Variants in HDAC4 observed in about 807,000 individuals in gnomAD.
HDAC4 encodes histone deacetylase 4, also known as histone deacetylase A.
HDAC4 carries 16 observed loss-of-function variants against 135.1 expected under a neutral mutation model. The observed-to-expected ratio is 0.12, with a 90% CI of 0.08 to 0.18. The LOEUF is 0.18. HDAC4 is among the 10% of genes least tolerant of loss of function. The probability of loss-of-function intolerance (pLI) is 1.00; values close to 1 mark genes in which losing one functional copy is unlikely to be tolerated. For synonymous variants in HDAC4, 685 were observed against 653.4 expected (o/e 1.05, Z -0.74); for missense variants, 1,143 against 1,511.8 (o/e 0.76, Z 4.05).
intron 1 of HDAC4, among the ~76,000 whole-genome samples, chr2:239,375,527 C>G (rs1215600318): frequency 6.6e-6 from 1 of 152,194 alleles, no homozygotes; most frequent in African/African-American, 2.4e-5. Flanking sequence ...CACCACTGAC[C>G]TCAGCGAGTG....
intron 2 of HDAC4, among the ~76,000 whole-genome samples, chr2:239,274,832 G>A (rs994915304): frequency 1.3e-5 from 2 of 152,126 alleles, no homozygotes; most frequent in African/African-American, 2.4e-5. Context: ...TGGCCCCCAC[G>A]CTCCTCCCAG....
At chr2:239,163,100 C>T (rs1313533791) in intron 6 of HDAC4, among the ~76,000 whole-genome samples, 1 of 151,864 alleles carries the variant, frequency 6.6e-6, no homozygotes, top group Non-Finnish European at 1.5e-5. Context: ...CCCCCGAAGG[C>T]CTTCTTTTGC....
chr2:239,193,494 T>C (rs1266644898), intron 3 of HDAC4, among the ~76,000 whole-genome samples: 3 of 152,136 alleles, frequency 2.0e-5, no homozygotes, highest in Non-Finnish European at 1.5e-5. Context: ...CAGGAGCTGA[T>C]GGCAGGCCCA....
At chr2:239,095,115 A>G (rs549030854) in intron 16 of HDAC4, 59 bp from the exon 17 acceptor site, 1 of 1,596,126 alleles carries the variant, frequency 6.3e-7, no homozygotes, top group African/African-American at 1.3e-5. Flanking sequence ...GGTGCTCGAC[A>G]GGCCCTGGGC....
chr2:239,131,289 A>G (rs2040564306), intron 11 of HDAC4, among the ~76,000 whole-genome samples: 2 of 152,180 alleles, frequency 1.3e-5, no homozygotes, highest in African/African-American at 4.8e-5. Context: ...TCTGTTTCAA[A>G]GCATTTGTGG....
chr2:239,128,957 C>T (rs1467190337), intron 11 of HDAC4, among the ~76,000 whole-genome samples: 3 of 152,208 alleles, frequency 2.0e-5, no homozygotes, highest in Non-Finnish European at 2.9e-5. Flanking sequence ...CTCTGCCTCC[C>T]GCCATCCTCC....
chr2:239,340,691 C>T (rs966716834), intron 2 of HDAC4, among the ~76,000 whole-genome samples: 1 of 152,180 alleles, frequency 6.6e-6, no homozygotes, highest in African/African-American at 2.4e-5. Context: ...GAACCACCTG[C>T]CTTGAATGAA....
intron 2 of HDAC4, among the ~76,000 whole-genome samples, chr2:239,280,642 C>T (rs75479057): frequency 0.016 from 2,374 of 152,262 alleles, 64 homozygotes; most frequent in African/African-American, 0.054. Context: ...GTGAGGAAGA[C>T]ACCAGGCACA....
At chr2:239,398,706 A>T (rs1696729787) in intron 1 of HDAC4, among the ~76,000 whole-genome samples, 1 of 152,168 alleles carries the variant, frequency 6.6e-6, no homozygotes, top group South Asian at 2.1e-4. Flanking sequence ...ATGGCTAGGA[A>T]GCTGCTGAAC....
At chr2:239,272,068 G>A (rs560991773) in intron 2 of HDAC4, among the ~76,000 whole-genome samples, 32 of 152,222 alleles carry the variant, frequency 2.1e-4, no homozygotes, top group African/African-American at 6.0e-4. Context: ...ACTTTCCCAC[G>A]GACATTCAAT....
intron 1 of HDAC4, among the ~76,000 whole-genome samples, chr2:239,388,587 G>A (rs533119472): frequency 6.6e-6 from 1 of 152,334 alleles, no homozygotes; most frequent in East Asian, 1.9e-4. Context: ...CCGCACGGCT[G>A]GAAGGACCAC....
chr2:239,336,028 A>G (rs1041384766), intron 2 of HDAC4, among the ~76,000 whole-genome samples: 6 of 152,260 alleles, frequency 3.9e-5, no homozygotes, highest in Non-Finnish European at 7.3e-5. Context: ...TGTTCATACA[A>G]TGAAATATTA....
At chr2:239,337,409 T>C (rs540075260) in intron 2 of HDAC4, among the ~76,000 whole-genome samples, 12 of 152,128 alleles carry the variant, frequency 7.9e-5, no homozygotes, top group Non-Finnish European at 1.8e-4. Flanking sequence ...ACAAGCTCCA[T>C]TCACAGAAAA....
At chr2:239,381,476 A>G (rs1180017765) in intron 1 of HDAC4, among the ~76,000 whole-genome samples, 1 of 152,214 alleles carries the variant, frequency 6.6e-6, no homozygotes, top group Non-Finnish European at 1.5e-5. Context: ...TTCACATGCA[A>G]AAAAATGTAA....
intron 2 of HDAC4, among the ~76,000 whole-genome samples, chr2:239,252,514 A>G (rs956080275): frequency 3.3e-5 from 5 of 152,214 alleles, no homozygotes; most frequent in Non-Finnish European, 7.3e-5. Flanking sequence ...CTCAGGTTTT[A>G]GCAGAAAGTT....
chr2:239,234,662 C>T (rs1383459580), intron 3 of HDAC4, among the ~76,000 whole-genome samples: 1 of 152,192 alleles, frequency 6.6e-6, no homozygotes, highest in Admixed American at 6.5e-5. Context: ...CTGAGCTATT[C>T]AGCAACTCGC....
At chr2:239,123,112 C>T (rs1283891061) in intron 12 of HDAC4, among the ~76,000 whole-genome samples, 1 of 152,242 alleles carries the variant, frequency 6.6e-6, no homozygotes, top group Admixed American at 6.5e-5. Flanking sequence ...GTTTCTAAAT[C>T]CTTCAAGAGT....
At chr2:239,082,443 C>T (rs1421732122) in intron 20 of HDAC4, among the ~76,000 whole-genome samples, 3 of 152,342 alleles carry the variant, frequency 2.0e-5, no homozygotes, top group Admixed American at 6.5e-5. Context: ...CCAATGTTCG[C>T]GTCTGCAGCA....
chr2:239,378,501 C>T (rs911630541), intron 1 of HDAC4, among the ~76,000 whole-genome samples: 5 of 152,156 alleles, frequency 3.3e-5, no homozygotes, highest in South Asian at 2.1e-4. Flanking sequence ...CAAGGACCAT[C>T]GTACTGTTGA....
Sources: allele counts gnomAD v4.1 joint callset (sites outside exome capture counted in the v4.1 genomes callset), GRCh38; gene constraint gnomAD v4.1.1; transcripts MANE v1.5; gene names NCBI Gene and HGNC (gene_info 2026-07-23, HGNC 2026-07-21).